Variants in GFRA1 observed in about 807,000 individuals in gnomAD.
The protein encoded by GFRA1 is GDNF family receptor alpha 1.
Under a neutral mutation model 51.6 loss-of-function variants are expected in GFRA1, and 16 were observed. The observed-to-expected ratio is 0.31, with a 90% confidence interval of 0.21 to 0.47. The LOEUF is 0.47. Ranked by LOEUF, GFRA1 falls within the 20% of genes least tolerant of loss-of-function variation. GFRA1 has a pLI of 1.00. For missense variants in GFRA1, 530 were observed against 594.3 expected (o/e 0.89, Z 1.13); for synonymous variants, 270 against 241.3 (o/e 1.12, Z -1.10).
At chr10:116,076,820 G>A (rs957126377) in intron 9 of GFRA1, among the ~76,000 whole-genome samples, 8 of 152,082 alleles carry the variant, frequency 5.3e-5, no homozygotes, top group African/African-American at 1.9e-4. Flanking sequence ...CTGGGCCACC[G>A]CTTTTACTGG....
intron 5 of GFRA1, among the ~76,000 whole-genome samples, chr10:116,129,247 T>C (rs962405820): frequency 1.3e-5 from 2 of 152,242 alleles, no homozygotes; most frequent in African/African-American, 2.4e-5. Context: ...AATAGACTGA[T>C]ATTGCTTACG....
intron 5 of GFRA1, among the ~76,000 whole-genome samples, chr10:116,208,427 G>A (rs753152389): frequency 9.2e-5 from 14 of 152,084 alleles, no homozygotes; most frequent in Non-Finnish European, 1.6e-4. Flanking sequence ...AGTGCCCTGC[G>A]CACATGTACT....
chr10:116,241,261 C>T (rs574118755), intron 4 of GFRA1, among the ~76,000 whole-genome samples: 1 of 152,248 alleles, frequency 6.6e-6, no homozygotes, highest in South Asian at 2.1e-4. Flanking sequence ...AACCTGTCAC[C>T]AAGAGGTTCA....
Position 116,061,810 on chromosome 10 carries a change from C to T in GFRA1, c.*2588G>A, listed in dbSNP as rs887506974. The T allele has an allele frequency of 1.8e-4, 72 of 395,546 alleles. No homozygotes were observed. The highest frequency in any genetic ancestry group is 1.3e-3 in the African/African-American group (63 of 48,684). The allele number at this position is 395,546 out of a possible 1,614,324, so 24.5% of individuals were successfully genotyped here. A position where few individuals can be genotyped will look rare whatever the true frequency, so the allele number is the denominator to read the frequency against. On this transcript the variant is annotated 3_prime_UTR_variant, in exon 11 of 11. Coordinates refer to ENST00000355422, the MANE Select transcript of GFRA1 (RefSeq NM_005264.8). ...CAGGTAAATGATTTAACTTATTGTG[C>T]TCCAGTTCTGGGGCAAATGATGGTG... is the stretch of plus-strand genomic sequence containing the variant.
chr10:116,102,145 G>A (rs1565576504), intron 6 of GFRA1, among the ~76,000 whole-genome samples: 1 of 152,170 alleles, frequency 6.6e-6, no homozygotes, highest in South Asian at 2.1e-4. Flanking sequence ...GGCCACAGAT[G>A]GCATTCACAG....
chr10:116,246,539 A>G (rs898379146), intron 4 of GFRA1, among the ~76,000 whole-genome samples: 14 of 152,222 alleles, frequency 9.2e-5, no homozygotes, highest in African/African-American at 3.4e-4. Flanking sequence ...AACATAGGCT[A>G]GTAATTAGCA....
At chr10:116,162,915 C>G (rs189148945) in intron 5 of GFRA1, among the ~76,000 whole-genome samples, 1 of 152,274 alleles carries the variant, frequency 6.6e-6, no homozygotes, top group East Asian at 1.9e-4. Flanking sequence ...GGCTTCCAGT[C>G]GCCTGTCTGA....
At chr10:116,218,594 G>A (rs1466308643) in intron 4 of GFRA1, among the ~76,000 whole-genome samples, 1 of 152,132 alleles carries the variant, frequency 6.6e-6, no homozygotes, top group Admixed American at 6.5e-5. Context: ...ACTGTGATTA[G>A]TTTTCTGTGT....
intron 5 of GFRA1, among the ~76,000 whole-genome samples, chr10:116,132,871 C>G (rs1436556855): frequency 1.3e-5 from 2 of 152,160 alleles, no homozygotes; most frequent in Non-Finnish European, 2.9e-5. Context: ...ACACACCGCA[C>G]GGAGGATCAG....
chr10:116,185,862 G>T (rs150799149), intron 5 of GFRA1, among the ~76,000 whole-genome samples: 8 of 152,292 alleles, frequency 5.3e-5, no homozygotes, highest in African/African-American at 2.4e-5. Flanking sequence ...AATTATAATT[G>T]TGCTGCTCAC....
rs200901771 is a variant in GFRA1 at position 116,064,578 on chromosome 10, G to GC, written c.1252-35dup. ...AAGAATGGTTTCATTATCATCCACT[G>GC]CATGTCTTCATTCTACCACAGTATA... On this transcript the variant is annotated intron_variant, in intron 10 of 10. Coordinates refer to ENST00000355422, the MANE Select transcript of GFRA1 (RefSeq NM_005264.8). 1,786 of 1,582,522 alleles carry GC rather than the reference G, an allele frequency of 1.1e-3. 19 individuals carry two copies. In the African/African-American group the frequency reaches 0.021, roughly 19 times the overall value.
intron 4 of GFRA1, among the ~76,000 whole-genome samples, chr10:116,268,700 G>A (rs7092496): frequency 0.18 from 28,088 of 152,036 alleles, 3,842 homozygotes; most frequent in African/African-American, 0.38. Flanking sequence ...ATAATTTGTG[G>A]TGGCTATATA....
At chr10:116,076,442 AAAG>A (rs1955622334) in intron 9 of GFRA1, among the ~76,000 whole-genome samples, 1 of 152,190 alleles carries the variant, frequency 6.6e-6, no homozygotes, top group African/African-American at 2.4e-5. Context: ...AAACAAAAAA[AAAG>A]GAAGCCTGTG....
intron 5 of GFRA1, among the ~76,000 whole-genome samples, chr10:116,161,607 A>G (rs1209765830): frequency 6.6e-6 from 1 of 152,300 alleles, no homozygotes; most frequent in Non-Finnish European, 1.5e-5. Context: ...AGTTTCCCCC[A>G]TACTGTTCTC....
chr10:116,136,987 T>C (rs538221549), intron 5 of GFRA1, among the ~76,000 whole-genome samples: 3 of 152,298 alleles, frequency 2.0e-5, no homozygotes, highest in Admixed American at 2.0e-4. Context: ...GCTCCAAAGA[T>C]GGTCCAGGAA....
chr10:116,265,320 C>A (rs1326258299), intron 4 of GFRA1, among the ~76,000 whole-genome samples: 3 of 152,158 alleles, frequency 2.0e-5, no homozygotes, highest in Non-Finnish European at 4.4e-5. Context: ...CCACTTGATT[C>A]TTGCATGCAA....
chr10:116,255,021 T>C (rs960078031), intron 4 of GFRA1, among the ~76,000 whole-genome samples: 3 of 152,210 alleles, frequency 2.0e-5, no homozygotes, highest in Non-Finnish European at 4.4e-5. Context: ...GTAAGTTCAC[T>C]TTCTCTACAG....
intron 4 of GFRA1, among the ~76,000 whole-genome samples, chr10:116,255,414 G>A (rs978590149): frequency 1.3e-5 from 2 of 151,164 alleles, no homozygotes; most frequent in African/African-American, 4.9e-5. Flanking sequence ...ACCTTATACT[G>A]CTAATAGAAA....
At chr10:116,271,953 C>CA (rs773753015) in intron 2 of GFRA1, 37 bp downstream of exon 2, 16 of 1,527,034 alleles carry the variant, frequency 1.0e-5, no homozygotes, top group Admixed American at 9.8e-5. Flanking sequence ...AGGAAAGACT[C>CA]AGAGGGTAAG....
Sources: allele counts gnomAD v4.1 joint callset (sites outside exome capture counted in the v4.1 genomes callset), GRCh38; gene constraint gnomAD v4.1.1; transcripts MANE v1.5; gene names NCBI Gene and HGNC (gene_info 2026-07-23, HGNC 2026-07-21).